Variants in BLNK observed in about 807,000 individuals in gnomAD.
BLNK encodes B cell linker.
A neutral mutation model predicts 73.5 loss-of-function variants in BLNK; 29 were observed. The observed-to-expected ratio is 0.39, with a 90% confidence interval of 0.29 to 0.54. The LOEUF (loss-of-function observed/expected upper bound fraction) is 0.54, where lower values mean the gene tolerates loss of function less well. Ranked by LOEUF, BLNK falls within the 20% of genes least tolerant of loss-of-function variation. The pLI, the probability that BLNK is intolerant of heterozygous loss-of-function variation, is 0.61. For synonymous variants in BLNK, 176 were observed against 200.8 expected, an observed-to-expected ratio of 0.88 and a Z score of 1.04; for missense variants, 460 against 562.8, an observed-to-expected ratio of 0.82 and a Z score of 1.85.
chr10:96,230,709 A>G (rs1842465727), intron 4 of BLNK, 85 bp downstream of exon 4: 2 of 1,470,158 alleles, frequency 1.4e-6, no homozygotes, highest in African/African-American at 2.8e-5. Flanking sequence ...GCGGCTGACC[A>G]CCAGCATGTA....
intron 2 of BLNK, 41 bp downstream of exon 2, chr10:96,246,943 T>A: frequency 6.9e-7 from 1 of 1,449,676 alleles, no homozygotes; most frequent in African/African-American, 1.4e-5. Flanking sequence ...ACATGTTGAC[T>A]TATTTTATAT....
At chr10:96,247,325 C>T (rs895805633) in intron 1 of BLNK, among the ~76,000 whole-genome samples, 1 of 152,166 alleles carries the variant, frequency 6.6e-6, no homozygotes, top group African/African-American at 2.4e-5. Flanking sequence ...TATTCTGATT[C>T]CTTGCTCATT....
At chr10:96,250,236 C>T (rs1178615121) in intron 1 of BLNK, among the ~76,000 whole-genome samples, 4 of 152,146 alleles carry the variant, frequency 2.6e-5, no homozygotes, top group African/African-American at 9.7e-5. Flanking sequence ...CAGATGGGCC[C>T]TTGAGTTGCC....
At chr10:96,214,777 C>T (rs782688582) in intron 8 of BLNK, among the ~76,000 whole-genome samples, 2 of 152,168 alleles carry the variant, frequency 1.3e-5, no homozygotes, top group African/African-American at 4.8e-5. Context: ...AAATCATTCT[C>T]TCTCCTCAGC....
chr10:96,270,453 C>T (rs781918494), intron 1 of BLNK, among the ~76,000 whole-genome samples: 18 of 151,976 alleles, frequency 1.2e-4, no homozygotes, highest in Non-Finnish European at 2.1e-4. Flanking sequence ...CATCACACAC[C>T]GGGGCCTGTC....
intron 1 of BLNK, among the ~76,000 whole-genome samples, chr10:96,261,676 T>G (rs1460135024): frequency 6.6e-6 from 1 of 152,146 alleles, no homozygotes; most frequent in Non-Finnish European, 1.5e-5. Context: ...GCCAAAACAA[T>G]CATATATATG....
intron 8 of BLNK, chr10:96,210,170 C>T (rs1392199885): frequency 4.1e-6 from 2 of 491,398 alleles, no homozygotes; most frequent in South Asian, 2.0e-5. Flanking sequence ...AGGACCTTCT[C>T]CTTACCCGCC....
chr10:96,192,440 A>G (rs1438681995), intron 16 of BLNK, among the ~76,000 whole-genome samples: 1 of 152,210 alleles, frequency 6.6e-6, no homozygotes, highest in Non-Finnish European at 1.5e-5. Flanking sequence ...TACAAAACAT[A>G]GATCATCTCT....
chr10:96,234,234 CAGAAAAGAGAGAAA>C (rs1277319286), intron 3 of BLNK, among the ~76,000 whole-genome samples: 33 of 152,160 alleles, frequency 2.2e-4, no homozygotes, highest in African/African-American at 7.7e-4. Context: ...CACATGGAGA[CAGAAAAGAGAGAAA>C]AGCATCATAC....
chr10:96,197,196 A>G, intron 15 of BLNK, 133 bp from the exon 16 acceptor site: 2 of 663,840 alleles, frequency 3.0e-6, no homozygotes, highest in Non-Finnish European at 4.9e-6. Flanking sequence ...TATTTTTATT[A>G]TTGATTAGCG....
intron 1 of BLNK, among the ~76,000 whole-genome samples, chr10:96,260,111 C>T (rs137895610): frequency 1.1e-3 from 167 of 152,284 alleles, no homozygotes; most frequent in African/African-American, 3.9e-3. Flanking sequence ...TCTCACCACC[C>T]ACCTGGCAGA....
chr10:96,268,295 T>C (rs892929401), intron 1 of BLNK, among the ~76,000 whole-genome samples: 4 of 152,242 alleles, frequency 2.6e-5, no homozygotes, highest in Admixed American at 2.6e-4. Flanking sequence ...GATTCAGGAT[T>C]GTAAATTTTG....
intron 1 of BLNK, among the ~76,000 whole-genome samples, chr10:96,264,733 A>G (rs1197154404): frequency 6.6e-6 from 1 of 152,172 alleles, no homozygotes; most frequent in Non-Finnish European, 1.5e-5. Context: ...AGACAGGGTG[A>G]ATCCTGCTCC....
intron 1 of BLNK, among the ~76,000 whole-genome samples, chr10:96,255,154 C>T (rs915582271): frequency 2.0e-5 from 3 of 152,156 alleles, no homozygotes; most frequent in African/African-American, 7.2e-5. Context: ...AGGGTATCTG[C>T]AGACTGAGAA....
At chr10:96,194,794 G>T (rs2083419575) in intron 16 of BLNK, among the ~76,000 whole-genome samples, 1 of 36,982 alleles carries the variant, frequency 2.7e-5, no homozygotes, top group Admixed American at 3.4e-4. Context: ...TTTTTGAGAC[G>T]GAGTCTCGCT....
In BLNK at chr10:96,192,010, T is replaced by A. The variant is rs782660063; in HGVS notation, c.1334A>T (p.Asp445Val). 20 of 1,613,726 alleles carry A rather than the reference T, an allele frequency of 1.2e-5. No individual in the cohort carries two copies. The highest frequency in any genetic ancestry group is 1.3e-5 in the African/African-American group (1 of 74,918). ...AACTGCATACTTCAGTCTGGTGGAA[T>A]CTTTTGTGTTATTCTGACTGTCAAT... ...VLIDSQNNTK[D>V]STRLKYAVKV... Residue 445 changes from aspartate to valine, a missense_variant, in exon 17 of 17, where the codon GAT becomes GTT. Asp to Val is a radical substitution (Grantham distance 152, BLOSUM62 -3). Around this residue, in one of 3 missense-constraint regions of BLNK, gnomAD observed 88 missense variants for 143.4 expected, o/e 0.61. Transcript: ENST00000224337.
At chr10:96,245,752 GTA>G (rs1296795054) in intron 2 of BLNK, among the ~76,000 whole-genome samples, 1 of 152,298 alleles carries the variant, frequency 6.6e-6, no homozygotes, top group East Asian at 1.9e-4. Flanking sequence ...TGACGAAAAT[GTA>G]TGTGTATAGT....
rs191871512 is a variant in BLNK, at chr10:96,204,346, G to T, written c.902+186C>A. 9 of 730,960 alleles carry T rather than the reference G, an allele frequency of 1.2e-5. No individual in the cohort carries two copies. The Admixed American group carries it at 2.1e-4, about 17-fold the overall frequency. The allele number at this position is 730,960 out of a possible 1,614,324, so 45.3% of individuals were successfully genotyped here. A position where few individuals can be genotyped will look rare whatever the true frequency, so the allele number is the denominator to read the frequency against. ...AGTTCAATAATTAACCCAATTAGTA[G>T]GTCTCTGCAACTCTACACAGTTATT... is the stretch of plus-strand genomic sequence containing the variant. On this transcript the variant is annotated intron_variant, in intron 12 of 16. Coordinates refer to ENST00000224337, the MANE Select transcript of BLNK (RefSeq NM_013314.4).
intron 13 of BLNK, 118 bp from the exon 14 acceptor site, chr10:96,201,176 T>A: frequency 1.1e-6 from 1 of 911,202 alleles, no homozygotes; most frequent in Non-Finnish European, 1.8e-6. Context: ...AAAAAATCCT[T>A]AAGGCAATGG....
Sources: gnomAD v4.1 joint callset for allele counts (sites outside exome capture counted in the v4.1 genomes callset) on GRCh38, gnomAD v4.1.1 for gene constraint, gnomAD v4.1.1 regional missense constraint, MANE v1.5 for transcripts, NCBI Gene and HGNC (gene_info 2026-07-23, HGNC 2026-07-21) for gene names.